Variants in DLEC1 observed in about 807,000 individuals in gnomAD.
DLEC1 encodes deleted in lung and esophageal cancer protein 1.
A neutral mutation model predicts 198.1 loss-of-function variants in DLEC1; 146 were observed. The ratio of observed to expected loss-of-function variants is 0.74; its 90% confidence interval spans 0.64 to 0.85. The LOEUF (loss-of-function observed/expected upper bound fraction) is 0.85, where lower values mean the gene tolerates loss of function less well. Among genes scored for constraint, DLEC1 ranks in the 40% least tolerant of loss-of-function variants. DLEC1 has a pLI of 0.00. For synonymous variants in DLEC1, 897 were observed against 866.8 expected (o/e 1.03, Z -0.61); for missense variants, 2,233 against 2,220.0 (o/e 1.01, Z -0.12).
At chr3:38,118,339 T>C (rs1352432194) in intron 33 of DLEC1, among the ~76,000 whole-genome samples, 1 of 152,200 alleles carries the variant, frequency 6.6e-6, no homozygotes, top group Non-Finnish European at 1.5e-5. Flanking sequence ...TGGAGGCTGA[T>C]GCATTCCTGT....
rs375002308 is a variant in DLEC1, at chr3:38,123,115, C to T, written c.*703C>T. 28 of 1,614,146 alleles carry T rather than the reference C, an allele frequency of 1.7e-5. No individual in the cohort carries two copies. Among genetic ancestry groups the T allele is most frequent in the East Asian group, 6.7e-5 (3 of 44,878 alleles). ...GTCCCGATGCACATGGACACCACTCCGTATGCCCTGTGAAAACAAAACTTA... is the reference window on the plus strand; with the variant it reads ...GTCCCGATGCACATGGACACCACTCTGTATGCCCTGTGAAAACAAAACTTA... On this transcript the variant is annotated 3_prime_UTR_variant, in exon 37 of 37. Transcript: ENST00000308059.
intron 23 of DLEC1, among the ~76,000 whole-genome samples, chr3:38,110,581 T>C (rs1308788060): frequency 1.3e-5 from 2 of 152,152 alleles, no homozygotes; most frequent in Non-Finnish European, 2.9e-5. Context: ...GAGGTTACTG[T>C]AGACAGAAGG....
At chr3:38,109,393 C>G (rs1284023887) in intron 21 of DLEC1, 39 bp from the exon 22 acceptor site, 5 of 1,612,640 alleles carry the variant, frequency 3.1e-6, no homozygotes, top group Non-Finnish European at 4.2e-6. Flanking sequence ...CTTCAGAGGC[C>G]CCAGGCCTGG....
intron 6 of DLEC1, 92 bp from the exon 7 acceptor site, chr3:38,084,066 A>T: frequency 7.9e-7 from 1 of 1,264,642 alleles, no homozygotes; most frequent in Non-Finnish European, 1.1e-6. Context: ...TTCTACCTCT[A>T]CCCCCTTCTC....
intron 26 of DLEC1, 27 bp from the exon 27 acceptor site, chr3:38,114,956 T>C: frequency 6.2e-7 from 1 of 1,609,010 alleles, no homozygotes; most frequent in South Asian, 1.1e-5. Flanking sequence ...GCTGTGGCTG[T>C]ACTGAGTCCA....
At chr3:38,052,933 G>A (rs935946146) in intron 2 of DLEC1, among the ~76,000 whole-genome samples, 1 of 152,212 alleles carries the variant, frequency 6.6e-6, no homozygotes, top group Admixed American at 6.5e-5. Flanking sequence ...GAGATTGCAG[G>A]GGCGCGCCGC....
At chr3:38,061,371 G>A (rs1696676253) in intron 3 of DLEC1, among the ~76,000 whole-genome samples, 1 of 151,986 alleles carries the variant, frequency 6.6e-6, no homozygotes, top group Admixed American at 6.6e-5. Context: ...AGTAGAGACA[G>A]GGTTTCACCA....
At chr3:38,076,081 G>C (rs1347201345) in intron 6 of DLEC1, among the ~76,000 whole-genome samples, 4 of 152,170 alleles carry the variant, frequency 2.6e-5, no homozygotes, top group African/African-American at 9.7e-5. Flanking sequence ...GATAAAACAT[G>C]TCTCCTTTGT....
chr3:38,122,247 C>G (rs1195979430), intron 36 of DLEC1, 42 bp from the exon 37 acceptor site: 9 of 1,608,092 alleles, frequency 5.6e-6, no homozygotes, highest in Non-Finnish European at 6.8e-6. Context: ...GGACCCCCTG[C>G]CCAGGTGCCT....
In DLEC1 at chr3:38,059,800, C is replaced by T. The variant is rs752481817; in HGVS notation, c.621C>T (p.Ile207=). The T allele has an allele frequency of 1.9e-6, 3 of 1,614,034 alleles. No individual in the cohort carries two copies. The highest frequency in any genetic ancestry group is 1.3e-5 in the African/African-American group (1 of 74,902). The change falls in exon 3 of 37, where the codon ATC becomes ATT. Residue 207 remains isoleucine, a synonymous_variant. Coordinates refer to ENST00000308059, the MANE Select transcript of DLEC1 (RefSeq NM_007335.4). ...DSELLRKHHL[I]SPEDYYTDTV... ...AGTTGCTACGGAAACATCATTTGAT[C>T]TCCCCAGAAGATTACTACACCGATA...
chr3:38,118,133 T>G, intron 33 of DLEC1, 109 bp downstream of exon 33: 1 of 1,204,798 alleles, frequency 8.3e-7, no homozygotes, highest in South Asian at 1.5e-5. Flanking sequence ...GCAAACTGCA[T>G]GCCTGACCCT....
At chr3:38,085,945 A>G (rs1206268920) in intron 8 of DLEC1, among the ~76,000 whole-genome samples, 2 of 152,212 alleles carry the variant, frequency 1.3e-5, no homozygotes, top group African/African-American at 4.8e-5. Flanking sequence ...ATAGCCCCCA[A>G]GGACCATGCT....
rs752299851 is a variant in DLEC1 at position 38,113,690 on chromosome 3, C to CAATAATAAT, written c.3667-636_3667-628dup. Among the ~76,000 whole-genome samples the CAATAATAAT allele has an allele frequency of 3.3e-5, 5 of 150,824 alleles. No homozygotes were observed. The South Asian group carries it at 8.4e-4, about 25-fold the overall frequency. On this transcript the variant is annotated intron_variant, in intron 25 of 36. Coordinates refer to ENST00000308059, the MANE Select transcript of DLEC1 (RefSeq NM_007335.4). ...TGAGCGATGGAGCAAGACTCTGTCTCAATAATAATAATAATAATAATAATC... is the reference window on the plus strand; with the variant it reads ...TGAGCGATGGAGCAAGACTCTGTCTCAATAATAATAATAATAATAATAATAATAATAATC...
chr3:38,065,432 G>A lies in DLEC1; in HGVS notation c.1173+1513G>A, dbSNP rs576823627. On this transcript the variant is annotated intron_variant, in intron 6 of 36. Coordinates refer to ENST00000308059, the MANE Select transcript of DLEC1 (RefSeq NM_007335.4). ...AGAGGGAAAGGGAGAGGGAGAGGGC[G>A]GAAATTTTTAACTGTACACAAAACT... 1.2e-4 allele frequency among the ~76,000 whole-genome samples: 18 copies of A among 151,936 alleles called. 1 individual carries two copies. Among genetic ancestry groups the A allele is most frequent in the African/African-American group, 1.7e-4 (7 of 41,358 alleles).
intron 6 of DLEC1, among the ~76,000 whole-genome samples, chr3:38,081,918 A>C (rs1698046284): frequency 7.1e-6 from 1 of 140,522 alleles, no homozygotes; most frequent in Non-Finnish European, 1.6e-5. Flanking sequence ...TCCCTCCCGG[A>C]CGGGGTGGCT....
At chr3:38,097,417 A>G in intron 16 of DLEC1, 90 bp from the exon 17 acceptor site, 1 of 1,582,090 alleles carries the variant, frequency 6.3e-7, no homozygotes. Flanking sequence ...GGAGATGAGA[A>G]GTCTGTGCAA....
At chr3:38,072,242 G>A (rs1697358993) in intron 6 of DLEC1, among the ~76,000 whole-genome samples, 1 of 152,152 alleles carries the variant, frequency 6.6e-6, no homozygotes, top group Admixed American at 6.5e-5. Flanking sequence ...GAAGGAGCCG[G>A]GGAGCAGAAA....
At chr3:38,071,639 C>G (rs1559415827) in intron 6 of DLEC1, among the ~76,000 whole-genome samples, 1 of 152,198 alleles carries the variant, frequency 6.6e-6, no homozygotes, top group African/African-American at 2.4e-5. Flanking sequence ...GTCTAGCCAC[C>G]TTATCAGCAT....
intron 6 of DLEC1, among the ~76,000 whole-genome samples, chr3:38,065,440 T>G (rs996308364): frequency 6.6e-6 from 1 of 152,020 alleles, no homozygotes; most frequent in African/African-American, 2.4e-5. Context: ...GCGGAAATTT[T>G]TAACTGTACA....
Sources: allele counts gnomAD v4.1 joint callset (sites outside exome capture counted in the v4.1 genomes callset), GRCh38; gene constraint gnomAD v4.1.1; transcripts MANE v1.5; gene names NCBI Gene and HGNC (gene_info 2026-07-23, HGNC 2026-07-21).